COL21A1: variants seen among roughly 807,000 people sequenced by gnomAD.
COL21A1 encodes collagen type XXI alpha 1 chain.
A neutral mutation model predicts 137.9 loss-of-function variants in COL21A1; 149 were observed. The ratio of observed to expected loss-of-function variants is 1.08; its 90% CI spans 0.95 to 1.24. The LOEUF (loss-of-function observed/expected upper bound fraction) is 1.24. Among genes scored for constraint, COL21A1 ranks in the 50% most tolerant of loss-of-function variants. COL21A1 has a pLI of 0.00. For synonymous variants in COL21A1, 456 were observed against 391.5 expected, an observed-to-expected ratio of 1.16 and a Z score of -1.95; for missense variants, 1,167 against 1,158.4, an observed-to-expected ratio of 1.01 and a Z score of -0.11.
chr6:56,268,217 T>C (rs1009852067), intron 1 of COL21A1, among the ~76,000 whole-genome samples: 16 of 152,196 alleles, frequency 1.1e-4, no homozygotes, highest in Admixed American at 6.5e-4. Context: ...AGGGCATGCT[T>C]CCATTCATAG....
intron 1 of COL21A1, among the ~76,000 whole-genome samples, chr6:56,385,712 C>G (rs1472094169): frequency 6.6e-6 from 1 of 152,044 alleles, no homozygotes; most frequent in Non-Finnish European, 1.5e-5. Flanking sequence ...CATTGAGTAG[C>G]CACTCCCCCT....
chr6:56,283,286 T>G (rs1763824829), intron 1 of COL21A1, among the ~76,000 whole-genome samples: 1 of 151,922 alleles, frequency 6.6e-6, no homozygotes, highest in Middle Eastern at 3.4e-3. Context: ...TTATTATAAA[T>G]AAATGTATTA....
At chr6:56,262,115 T>C (rs1221247204) in intron 1 of COL21A1, among the ~76,000 whole-genome samples, 1 of 152,212 alleles carries the variant, frequency 6.6e-6, no homozygotes, top group Non-Finnish European at 1.5e-5. Flanking sequence ...CTGGTGTCTT[T>C]CTTATCCCTA....
At chr6:56,268,234 T>C (rs956855983) in intron 1 of COL21A1, among the ~76,000 whole-genome samples, 1 of 152,074 alleles carries the variant, frequency 6.6e-6, no homozygotes, top group African/African-American at 2.4e-5. Context: ...ATAGGTCCAG[T>C]CCAGAAAGAA....
intron 1 of COL21A1, among the ~76,000 whole-genome samples, chr6:56,367,933 T>C (rs769313969): frequency 5.7e-4 from 86 of 152,178 alleles, no homozygotes; most frequent in Non-Finnish European, 1.0e-3. Context: ...AGGTTGGTCT[T>C]GAATTCCTGG....
chr6:56,069,717 C>T (rs1396384119), intron 21 of COL21A1, among the ~76,000 whole-genome samples: 1 of 150,256 alleles, frequency 6.7e-6, no homozygotes, highest in African/African-American at 2.4e-5. Context: ...CTTATGCTAT[C>T]ATATTTTTCA....
chr6:56,133,321 G>A lies in COL21A1; in HGVS notation c.1543-7172C>T, dbSNP rs1016328370. 4.6e-5 allele frequency among the ~76,000 whole-genome samples: 7 copies of A among 152,260 alleles called. No homozygotes were observed. The East Asian group carries it at 1.2e-3, about 25-fold the overall frequency. On this transcript the variant is annotated intron_variant, in intron 12 of 29. Coordinates refer to ENST00000244728, the MANE Select transcript of COL21A1 (RefSeq NM_030820.4). ...GTTATGTTTTAGTAAAGAGACTGGT[G>A]GCATTTTTCCCCTGCCCTAAAGATT...
In COL21A1 at chr6:56,196,321, C is replaced by T. The variant is rs1046382878; in HGVS notation, c.-38-13665G>A. ...CTAAGATCAGGAAGAAACAAGGGTG[C>T]CCAGTCTCACTACTTCTCTACAACA... is the stretch of plus-strand genomic sequence containing the variant. On this transcript the variant is annotated intron_variant, in intron 1 of 29. Transcript: ENST00000244728. 3.9e-5 allele frequency among the ~76,000 whole-genome samples: 6 copies of T among 152,106 alleles called. No homozygotes were observed. In the East Asian group the frequency reaches 1.2e-3, roughly 29 times the overall value.
intron 21 of COL21A1, among the ~76,000 whole-genome samples, chr6:56,070,149 C>T (rs1247219999): frequency 6.6e-6 from 1 of 151,498 alleles, no homozygotes; most frequent in African/African-American, 2.4e-5. Flanking sequence ...GGTTCTGTTT[C>T]GTTTTGTGTT....
intron 16 of COL21A1, among the ~76,000 whole-genome samples, chr6:56,120,452 A>G (rs1193502975): frequency 1.3e-5 from 2 of 152,190 alleles, no homozygotes; most frequent in African/African-American, 2.4e-5. Flanking sequence ...GTTGGTGGGA[A>G]TGTAAATTAG....
intron 1 of COL21A1, among the ~76,000 whole-genome samples, chr6:56,286,856 A>G (rs1323313483): frequency 6.6e-6 from 1 of 152,214 alleles, no homozygotes; most frequent in Non-Finnish European, 1.5e-5. Flanking sequence ...ATAAGCCTGG[A>G]GAGGAAAAGA....
At chr6:56,391,629 A>T (rs932446695) in intron 1 of COL21A1, among the ~76,000 whole-genome samples, 1 of 152,156 alleles carries the variant, frequency 6.6e-6, no homozygotes, top group Non-Finnish European at 1.5e-5. Context: ...ACAGAAATTC[A>T]AGGATTATTA....
At chr6:56,194,073 T>C (rs1012240104) in intron 1 of COL21A1, among the ~76,000 whole-genome samples, 3 of 152,224 alleles carry the variant, frequency 2.0e-5, no homozygotes, top group Non-Finnish European at 4.4e-5. Flanking sequence ...CAGGATGTGC[T>C]GTTTTATGGT....
chr6:56,114,836 G>A (rs1771771727), intron 16 of COL21A1, among the ~76,000 whole-genome samples: 1 of 145,088 alleles, frequency 6.9e-6, no homozygotes, highest in African/African-American at 2.5e-5. Context: ...TATACCCAAA[G>A]GACTATAAAT....
At chr6:56,298,724 T>C (rs1382064259) in intron 1 of COL21A1, among the ~76,000 whole-genome samples, 2 of 152,070 alleles carry the variant, frequency 1.3e-5, no homozygotes, top group Non-Finnish European at 2.9e-5. Flanking sequence ...GTATTCTTGC[T>C]CAGCACAGCT....
At chr6:56,295,501 G>A in intron 1 of COL21A1, among the ~76,000 whole-genome samples, 1 of 151,872 alleles carries the variant, frequency 6.6e-6, no homozygotes, top group Non-Finnish European at 1.5e-5. Flanking sequence ...GATTTTATTA[G>A]GATTCCATTG....
intron 1 of COL21A1, among the ~76,000 whole-genome samples, chr6:56,258,811 CAGGCATCCA>C: frequency 6.6e-6 from 1 of 152,302 alleles, no homozygotes; most frequent in African/African-American, 2.4e-5. Context: ...AGGCAATTTT[CAGGCATCCA>C]AGCCAGCGTT....
At chr6:56,193,747 A>T (rs571784827) in intron 1 of COL21A1, among the ~76,000 whole-genome samples, 1 of 151,946 alleles carries the variant, frequency 6.6e-6, no homozygotes, top group South Asian at 2.1e-4. Flanking sequence ...AAGGTACAAA[A>T]GGAGGTTTTT....
intron 1 of COL21A1, among the ~76,000 whole-genome samples, chr6:56,319,088 C>G (rs552962990): frequency 2.6e-5 from 4 of 152,162 alleles, no homozygotes; most frequent in East Asian, 1.9e-4. Context: ...CACAGTTGAT[C>G]GCACCCTTCT....
Sources: allele counts gnomAD v4.1 joint callset (sites outside exome capture counted in the v4.1 genomes callset), GRCh38; gene constraint gnomAD v4.1.1; transcripts MANE v1.5; gene names NCBI Gene and HGNC (gene_info 2026-07-23, HGNC 2026-07-21).